ODAD2: variants seen among roughly 807,000 people sequenced by gnomAD.
ODAD2 encodes the protein outer dynein arm-docking complex subunit 2.
ODAD2 carries 89 observed loss-of-function variants against 106.8 expected under a neutral mutation model. The ratio of observed to expected loss-of-function variants is 0.83; its 90% confidence interval spans 0.70 to 0.99. The LOEUF (loss-of-function observed/expected upper bound fraction) is 0.99. Among genes scored for constraint, ODAD2 ranks in the 50% least tolerant of loss-of-function variants. The probability of loss-of-function intolerance (pLI) is 0.00; values close to 1 mark genes in which losing one functional copy is unlikely to be tolerated. For synonymous variants in ODAD2, 404 were observed against 436.2 expected, an observed-to-expected ratio of 0.93 and a Z score of 0.92; for missense variants, 1,168 against 1,238.5, an observed-to-expected ratio of 0.94 and a Z score of 0.85.
intron 19 of ODAD2, among the ~76,000 whole-genome samples, chr10:27,835,245 G>A (rs966852082): frequency 1.3e-5 from 2 of 152,312 alleles, no homozygotes; most frequent in Middle Eastern, 3.4e-3. Context: ...CTCCAATTCT[G>A]TCTATAGTGG....
chr10:27,978,754 T>C (rs923919413), intron 7 of ODAD2, among the ~76,000 whole-genome samples: 1 of 152,062 alleles, frequency 6.6e-6, no homozygotes, highest in Non-Finnish European at 1.5e-5. Context: ...ATCACACCAC[T>C]GCACTTCAGC....
rs970775998 is a variant in ODAD2 at position 27,959,083 on chromosome 10, T to C, written c.1386+2485A>G. ...CGGGCTTAGAGGCTCATGCCTGTAA[T>C]CCCAGCACTTTGGGAGGCCAATGTA... On this transcript the variant is annotated intron_variant, in intron 10 of 19. Transcript: ENST00000305242. 16 of 1,134,412 alleles carry C rather than the reference T, an allele frequency of 1.4e-5. No homozygotes were observed. The African/African-American group carries it at 2.1e-4, about 15-fold the overall frequency. The allele number at this position is 1,134,412 out of a possible 1,614,324, so 70.3% of individuals were successfully genotyped here.
rs188535366 is a variant in ODAD2 at position 27,989,567 on chromosome 10, A to G, written c.225-2024T>C. Reference sequence around the variant, plus strand: ...GTAACAGGCTGACCAAATACCAAAGATACCAAGCTACTTAACTAGAGAGAG... The same window carrying G: ...GTAACAGGCTGACCAAATACCAAAGGTACCAAGCTACTTAACTAGAGAGAG... On this transcript the variant is annotated intron_variant, in intron 2 of 19. Coordinates refer to ENST00000305242, the MANE Select transcript of ODAD2 (RefSeq NM_018076.5). Among the ~76,000 whole-genome samples the G allele has an allele frequency of 3.6e-3, 553 of 152,366 alleles. 7 individuals carry two copies. The highest frequency in any genetic ancestry group is 0.012 in the African/African-American group (514 of 41,588).
intron 19 of ODAD2, among the ~76,000 whole-genome samples, chr10:27,818,124 C>A (rs1466181991): frequency 6.6e-6 from 1 of 151,310 alleles, no homozygotes; most frequent in Non-Finnish European, 1.5e-5. Flanking sequence ...AGCCTGGATG[C>A]CAATGGATCC....
At chr10:27,923,095 AGAC>A (rs1159462578) in intron 16 of ODAD2, among the ~76,000 whole-genome samples, 2 of 152,166 alleles carry the variant, frequency 1.3e-5, no homozygotes, top group African/African-American at 4.8e-5. Context: ...CAAAGAACAA[AGAC>A]TGCAAATCTT....
intron 17 of ODAD2, among the ~76,000 whole-genome samples, chr10:27,880,763 C>A (rs530180077): frequency 8.9e-4 from 135 of 152,300 alleles, no homozygotes; most frequent in African/African-American, 3.2e-3. Context: ...TTGGACTTCC[C>A]AGCCTCCAGA....
chr10:27,922,053 G>T (rs1346077116), intron 16 of ODAD2, among the ~76,000 whole-genome samples: 5 of 150,762 alleles, frequency 3.3e-5, no homozygotes, highest in Non-Finnish European at 5.9e-5. Context: ...TGTAGTCCCA[G>T]GCACTTGGTA....
intron 16 of ODAD2, among the ~76,000 whole-genome samples, chr10:27,924,011 AAAGAAAGAAAGAAGG>A: frequency 8.7e-6 from 1 of 115,540 alleles, no homozygotes; most frequent in Non-Finnish European, 1.7e-5. Flanking sequence ...AGAAAGAAAG[AAAGAAAGAAAGAAGG>A]AAAGAGAAAG....
chr10:27,884,552 A>C (rs913337136), intron 17 of ODAD2, among the ~76,000 whole-genome samples: 1 of 152,140 alleles, frequency 6.6e-6, no homozygotes, highest in Non-Finnish European at 1.5e-5. Flanking sequence ...TCTGTGGGCT[A>C]CTTGAGGGAC....
chr10:27,999,289 G>A (rs1200184592), upstream of ODAD2, among the ~76,000 whole-genome samples: 1 of 152,130 alleles, frequency 6.6e-6, no homozygotes, highest in East Asian at 1.9e-4. Context: ...AACTTAAAAT[G>A]GAGCAGAAAG....
chr10:27,885,647 A>ATT (rs1318243444), intron 17 of ODAD2, among the ~76,000 whole-genome samples: 1 of 45,570 alleles, frequency 2.2e-5, no homozygotes, highest in Non-Finnish European at 4.1e-5. Flanking sequence ...TATTATATAT[A>ATT]TTATATATAA....
At chr10:27,871,997 G>A (rs1489996198) in intron 17 of ODAD2, among the ~76,000 whole-genome samples, 3 of 152,166 alleles carry the variant, frequency 2.0e-5, no homozygotes, top group Non-Finnish European at 4.4e-5. Context: ...AGCATGGAAT[G>A]TTCTTCCATT....
chr10:27,975,485 G>C (rs1217890760), intron 7 of ODAD2, among the ~76,000 whole-genome samples: 1 of 152,034 alleles, frequency 6.6e-6, no homozygotes, highest in Non-Finnish European at 1.5e-5. Context: ...AGGTCAATAA[G>C]AGAATACTAT....
chr10:27,821,255 G>C (rs1836585541), intron 19 of ODAD2, among the ~76,000 whole-genome samples: 1 of 151,624 alleles, frequency 6.6e-6, no homozygotes, highest in Admixed American at 6.5e-5. Flanking sequence ...CCCTCTTTGA[G>C]TTTTGCCGCT....
At chr10:27,960,077 T>C (rs1848017980) in intron 10 of ODAD2, among the ~76,000 whole-genome samples, 1 of 151,980 alleles carries the variant, frequency 6.6e-6, no homozygotes, top group Non-Finnish European at 1.5e-5. Context: ...ATTTATAAAG[T>C]ATCACGCTTA....
chr10:27,940,530 A>G, intron 13 of ODAD2, 33 bp downstream of exon 13: 3 of 1,606,316 alleles, frequency 1.9e-6, no homozygotes, highest in Non-Finnish European at 2.6e-6. Context: ...AGTCAAGTTG[A>G]GAAGGCAAGG....
chr10:27,881,417 GTGGGAGAATTGAGACCAGCC>G (rs901705443), intron 17 of ODAD2, among the ~76,000 whole-genome samples: 4 of 151,962 alleles, frequency 2.6e-5, no homozygotes, highest in African/African-American at 9.7e-5. Context: ...GGAGGCCAAG[GTGGGAGAATTGAGACCAGCC>G]TGGGCAACAT....
chr10:27,940,589 C>G lies in ODAD2; in HGVS notation c.1960G>C (p.Gly654Arg), dbSNP rs1256785481. The G allele has an allele frequency of 6.2e-7, 1 of 1,614,080 alleles. No homozygotes were observed. Residue 654 changes from glycine to arginine, a missense_variant, in exon 13 of 20, where the codon GGG becomes CGG. Around this residue, in one of 3 missense-constraint regions of ODAD2, gnomAD observed 701 missense variants for 712.3 expected, o/e 0.98. Coordinates refer to ENST00000305242, the MANE Select transcript of ODAD2 (RefSeq NM_018076.5). ...TCTGATGCACACTCTTGCAATGTCCCCACCACTGGAATTAGCATGTTTTCA... is the reference window on the plus strand; with the variant it reads ...TCTGATGCACACTCTTGCAATGTCCGCACCACTGGAATTAGCATGTTTTCA... ...SHENMLIPVV[G>R]TLQECASEEN...
intron 11 of ODAD2, 94 bp downstream of exon 11, chr10:27,944,722 C>A: frequency 1.4e-6 from 2 of 1,464,542 alleles, no homozygotes; most frequent in Non-Finnish European, 1.9e-6. Flanking sequence ...AAGACAAGAA[C>A]CAGGCAACGA....
Sources: allele counts gnomAD v4.1 joint callset (sites outside exome capture counted in the v4.1 genomes callset), GRCh38; gene constraint gnomAD v4.1.1; regional missense constraint gnomAD v4.1.1; transcripts MANE v1.5; gene names NCBI Gene and HGNC (gene_info 2026-07-23, HGNC 2026-07-21).